FHIT: variants seen among roughly 807,000 people sequenced by gnomAD.
FHIT encodes the protein bis(5'-adenosyl)-triphosphatase.
FHIT carries 19 observed loss-of-function variants against 17.9 expected under a neutral mutation model. The observed-to-expected ratio is 1.06, with a 90% confidence interval of 0.74 to 1.56. The LOEUF is 1.56. Ranked by LOEUF, FHIT falls within the 40% of genes most tolerant of loss-of-function variation. The pLI is 0.00. For missense variants in FHIT, 248 were observed against 189.2 expected (o/e 1.31, Z -1.82); for synonymous variants, 81 against 69.7 (o/e 1.16, Z -0.81).
At chr3:61,100,105 CA>C in intron 2 of FHIT, among the ~76,000 whole-genome samples, 1 of 151,954 alleles carries the variant, frequency 6.6e-6, no homozygotes, top group Non-Finnish European at 1.5e-5. Context: ...TACATGTGCA[CA>C]ATGTGCAGGT....
chr3:60,065,778 G>T (rs1702474471), intron 5 of FHIT, among the ~76,000 whole-genome samples: 2 of 152,176 alleles, frequency 1.3e-5, no homozygotes, highest in East Asian at 1.9e-4. Flanking sequence ...CCCATCCCAT[G>T]GCCAACTACT....
At chr3:60,055,657 CT>C (rs1365175171) in intron 5 of FHIT, among the ~76,000 whole-genome samples, 2 of 152,142 alleles carry the variant, frequency 1.3e-5, no homozygotes, top group East Asian at 3.9e-4. Context: ...TTAGAGAAAG[CT>C]TTTTGATTCC....
intron 3 of FHIT, among the ~76,000 whole-genome samples, chr3:60,824,641 C>A (rs1702049385): frequency 6.6e-6 from 1 of 152,154 alleles, no homozygotes; most frequent in Non-Finnish European, 1.5e-5. Flanking sequence ...AATTGTAACT[C>A]CCACAATTCC....
At chr3:60,247,744 C>T (rs1277451388) in intron 5 of FHIT, among the ~76,000 whole-genome samples, 2 of 152,238 alleles carry the variant, frequency 1.3e-5, no homozygotes, top group South Asian at 2.1e-4. Flanking sequence ...AGGCAATTTT[C>T]ATAACATCTT....
At chr3:60,670,409 T>G (rs1467798223) in intron 4 of FHIT, among the ~76,000 whole-genome samples, 1 of 152,192 alleles carries the variant, frequency 6.6e-6, no homozygotes, top group Non-Finnish European at 1.5e-5. Context: ...ATAACCTTCT[T>G]TATTTCTCAG....
chr3:61,212,118 G>C (rs889521237), intron 1 of FHIT, among the ~76,000 whole-genome samples: 1 of 152,352 alleles, frequency 6.6e-6, no homozygotes, highest in Non-Finnish European at 1.5e-5. Context: ...AAGGAACGCA[G>C]TTCCTCACCA....
chr3:60,521,457 C>T (rs1262427891), intron 5 of FHIT, among the ~76,000 whole-genome samples: 1 of 152,096 alleles, frequency 6.6e-6, no homozygotes, highest in Admixed American at 6.5e-5. Context: ...CCGTGTTAGC[C>T]AGGATGGTCT....
intron 3 of FHIT, among the ~76,000 whole-genome samples, chr3:60,935,851 G>A (rs1553772950): frequency 3.3e-5 from 5 of 152,112 alleles, no homozygotes; most frequent in Non-Finnish European, 7.3e-5. Flanking sequence ...CCTTCTCTTC[G>A]CACATGGACA....
chr3:59,790,520 CTCTCTCTCTG>C (rs1361690125), intron 8 of FHIT, among the ~76,000 whole-genome samples: 4 of 139,780 alleles, frequency 2.9e-5, no homozygotes, highest in Admixed American at 7.1e-5. Flanking sequence ...CTCTCTCTCT[CTCTCTCTCTG>C]TGTGTGTGTG....
chr3:60,740,781 A>C (rs2042224674), intron 4 of FHIT, among the ~76,000 whole-genome samples: 1 of 152,230 alleles, frequency 6.6e-6, no homozygotes. Flanking sequence ...ATGAGACTAA[A>C]GGCAATTCAA....
chr3:60,714,919 A>T (rs1440062864), intron 4 of FHIT, among the ~76,000 whole-genome samples: 1 of 152,180 alleles, frequency 6.6e-6, no homozygotes, highest in African/African-American at 2.4e-5. Flanking sequence ...TTCTTCACGG[A>T]ATTGGAAAAA....
At chr3:60,459,362 C>G (rs1011614693) in intron 5 of FHIT, among the ~76,000 whole-genome samples, 1 of 152,008 alleles carries the variant, frequency 6.6e-6, no homozygotes. Context: ...AAATAAATGT[C>G]AAAGATCAAT....
At chr3:60,381,166 T>C (rs1700784305) in intron 5 of FHIT, among the ~76,000 whole-genome samples, 1 of 152,094 alleles carries the variant, frequency 6.6e-6, no homozygotes, top group Admixed American at 6.5e-5. Flanking sequence ...CAGAAGTATA[T>C]TGCTTAGGAG....
chr3:60,912,070 C>G (rs1224072247), intron 3 of FHIT, among the ~76,000 whole-genome samples: 1 of 151,814 alleles, frequency 6.6e-6, no homozygotes, highest in Non-Finnish European at 1.5e-5. Flanking sequence ...CACACACACA[C>G]ACGTACACAC....
At chr3:61,140,909 G>C (rs2037062606) in intron 2 of FHIT, among the ~76,000 whole-genome samples, 1 of 152,052 alleles carries the variant, frequency 6.6e-6, no homozygotes, top group African/African-American at 2.4e-5. Context: ...TGAAAGTCTT[G>C]AATACATACG....
intron 4 of FHIT, among the ~76,000 whole-genome samples, chr3:60,621,816 GGAGCTAT>G (rs2039139024): frequency 6.6e-6 from 1 of 151,396 alleles, no homozygotes; most frequent in Admixed American, 6.6e-5. Flanking sequence ...AAGGGTACAG[GGAGCTAT>G]GATCATGCCA....
At chr3:60,514,573 CA>C (rs1384757464) in intron 5 of FHIT, among the ~76,000 whole-genome samples, 1 of 152,204 alleles carries the variant, frequency 6.6e-6, no homozygotes, top group Non-Finnish European at 1.5e-5. Flanking sequence ...TTGGTAGATG[CA>C]GCAACCACCA....
rs1044083098 is a variant in FHIT at position 60,500,027 on chromosome 3, C to T, written c.103+36833G>A. Reference sequence around the variant, plus strand: ...TATCTGACTATTCATTATTGTATACCTGGGGTCTGGCACATAGCAGAAACT... The same window carrying T: ...TATCTGACTATTCATTATTGTATACTTGGGGTCTGGCACATAGCAGAAACT... On this transcript the variant is annotated intron_variant, in intron 5 of 9. Coordinates refer to ENST00000492590, the MANE Select transcript of FHIT (RefSeq NM_002012.4). 7.6e-4 allele frequency among the ~76,000 whole-genome samples: 116 copies of T among 152,092 alleles called. 9 individuals are homozygous for T. The highest frequency in any genetic ancestry group is 2.9e-5 in the Non-Finnish European group (2 of 68,018).
At chr3:59,853,152 A>G (rs1170084312) in intron 8 of FHIT, among the ~76,000 whole-genome samples, 4 of 152,206 alleles carry the variant, frequency 2.6e-5, no homozygotes, top group African/African-American at 9.7e-5. Flanking sequence ...AATGAATGAG[A>G]GTTCCTGTTG....
Sources: allele counts gnomAD v4.1 joint callset (sites outside exome capture counted in the v4.1 genomes callset), GRCh38; gene constraint gnomAD v4.1.1; transcripts MANE v1.5; gene names NCBI Gene and HGNC (gene_info 2026-07-23, HGNC 2026-07-21).